Variants in APOLD1 observed in about 807,000 individuals in gnomAD.
The protein encoded by APOLD1 is apolipoprotein L domain-containing protein 1.
A neutral mutation model predicts 15.3 loss-of-function variants in APOLD1; 22 were observed. The ratio of observed to expected loss-of-function variants is 1.44; its 90% CI spans 1.03 to 2.05. APOLD1 has a LOEUF of 2.05. Ranked by LOEUF, APOLD1 falls within the 30% of genes most tolerant of loss-of-function variation. APOLD1 has a pLI of 0.00. For synonymous variants in APOLD1, 190 were observed against 167.4 expected, an observed-to-expected ratio of 1.13 and a Z score of -1.04; for missense variants, 394 against 353.5, an observed-to-expected ratio of 1.11 and a Z score of -0.92.
chr12:12,761,859 A>AGAGAGAGAGAGAGT (rs1281526673), intron 1 of APOLD1, among the ~76,000 whole-genome samples: 1 of 146,382 alleles, frequency 6.8e-6, no homozygotes, highest in Non-Finnish European at 1.5e-5. Flanking sequence ...AGAGAGAGAG[A>AGAGAGAGAGAGAGT]GAGTCTTGCT....
At chr12:12,757,591 C>T (rs189827839) in intron 1 of APOLD1, among the ~76,000 whole-genome samples, 377 of 152,266 alleles carry the variant, frequency 2.5e-3, no homozygotes, top group Middle Eastern at 0.017. Context: ...CAGCCACCCC[C>T]GAAAGCCCCT....
chr12:12,733,594 G>A (rs1215611608), intron 1 of APOLD1, among the ~76,000 whole-genome samples: 1 of 152,014 alleles, frequency 6.6e-6, no homozygotes, highest in Non-Finnish European at 1.5e-5. Context: ...AACCATGAAG[G>A]TATTTCAATT....
intron 1 of APOLD1, chr12:12,726,405 C>A (rs186295181): frequency 5.9e-5 from 26 of 440,448 alleles, no homozygotes; most frequent in Non-Finnish European, 1.1e-4. Flanking sequence ...AGCGTGTGTA[C>A]GTTAAGATTT....
intron 1 of APOLD1, among the ~76,000 whole-genome samples, chr12:12,757,724 T>G (rs1270834002): frequency 6.6e-6 from 1 of 151,924 alleles, no homozygotes; most frequent in Non-Finnish European, 1.5e-5. Flanking sequence ...TACAATTCAC[T>G]TATTTAAGGG....
At chr12:12,733,042 G>T (rs1262377191) in intron 1 of APOLD1, among the ~76,000 whole-genome samples, 2 of 151,948 alleles carry the variant, frequency 1.3e-5, no homozygotes, top group Non-Finnish European at 2.9e-5. Flanking sequence ...GGCTGGGCAG[G>T]GTGGCTCATG....
chr12:12,728,066 C>G lies in APOLD1; in HGVS notation c.96+1970C>G, dbSNP rs533720441. 2.6e-5 allele frequency among the ~76,000 whole-genome samples: 4 copies of G among 152,274 alleles called. No homozygotes were observed. The East Asian group carries it at 5.8e-4, about 22-fold the overall frequency. ...CACTGCAGCCTCAAGCTCCTGGGCTCAGGAGATCCTCTACTTCAGCCTCCC... is the reference window on the plus strand; with the variant it reads ...CACTGCAGCCTCAAGCTCCTGGGCTGAGGAGATCCTCTACTTCAGCCTCCC... On this transcript the variant is annotated intron_variant, in intron 1 of 1. Transcript: ENST00000326765.
rs1334549503 is a variant in APOLD1, at chr12:12,788,286, C to T, written c.*634C>T. ...TTCCTGAGTGGCTCCCAATCCAGTC[C>T]TCCAAGTACTCAGAGGGGAAGCCCG... On this transcript the variant is annotated 3_prime_UTR_variant, in exon 2 of 2. Transcript: ENST00000356591. 6.6e-6 allele frequency: 1 copy of T among 152,238 alleles called. No homozygotes were observed. Among genetic ancestry groups the T allele is most frequent in the African/African-American group, 2.4e-5 (1 of 41,428 alleles). 9.4% of individuals were successfully genotyped at this position (152,238 alleles called of 1,614,324 possible).
intron 1 of APOLD1, among the ~76,000 whole-genome samples, chr12:12,778,264 A>G (rs1038438586): frequency 6.6e-6 from 1 of 150,602 alleles, no homozygotes; most frequent in Non-Finnish European, 1.5e-5. Context: ...GATGGTTTAC[A>G]TTTCTTCTGC....
rs148619328 is a variant in APOLD1, at chr12:12,778,783, A to T, written c.97-8126A>T. 1.3e-4 allele frequency among the ~76,000 whole-genome samples: 20 copies of T among 152,324 alleles called. No homozygotes were observed. The East Asian group carries it at 3.9e-3, about 29-fold the overall frequency. On this transcript the variant is annotated intron_variant, in intron 1 of 1. Coordinates refer to the APOLD1 transcript ENST00000326765. The stretch of plus-strand genomic sequence containing the variant: ...TTATCCACTCCATTGCATCCTACCA[A>T]CATTAGCCAAATCTGAGATAATCTC...
intron 1 of APOLD1, among the ~76,000 whole-genome samples, chr12:12,730,242 G>A (rs1946628105): frequency 6.6e-6 from 1 of 152,004 alleles, no homozygotes; most frequent in African/African-American, 2.4e-5. Flanking sequence ...TTCATCCATG[G>A]TATGTCTAAA....
intron 1 of APOLD1, among the ~76,000 whole-genome samples, chr12:12,776,017 A>C (rs1054390478): frequency 6.6e-6 from 1 of 150,956 alleles, no homozygotes; most frequent in East Asian, 1.9e-4. Flanking sequence ...AAAAAAAAAA[A>C]AAAAAAAAAC....
intron 1 of APOLD1, among the ~76,000 whole-genome samples, chr12:12,753,497 T>A (rs1279205835): frequency 6.6e-6 from 1 of 151,880 alleles, no homozygotes; most frequent in Non-Finnish European, 1.5e-5. Context: ...ACTACGTCAC[T>A]ACAAAAAAAT....
intron 1 of APOLD1, among the ~76,000 whole-genome samples, chr12:12,740,733 C>T (rs926103775): frequency 6.6e-6 from 1 of 152,170 alleles, no homozygotes; most frequent in Non-Finnish European, 1.5e-5. Context: ...AGGAATGTGC[C>T]CAGTATTACC....
At chr12:12,760,462 ACCC>A (rs1266928168) in intron 1 of APOLD1, among the ~76,000 whole-genome samples, 8 of 151,920 alleles carry the variant, frequency 5.3e-5, no homozygotes, top group Admixed American at 5.2e-4. Context: ...ACATGTCAAA[ACCC>A]CGTCTTTACT....
intron 1 of APOLD1, among the ~76,000 whole-genome samples, chr12:12,755,770 G>A (rs1946853182): frequency 2.0e-5 from 3 of 152,236 alleles, no homozygotes; most frequent in Non-Finnish European, 4.4e-5. Context: ...GAGGCCAAGA[G>A]GTGGAGGTTG....
In APOLD1 at chr12:12,729,827, T is replaced by C. The variant is rs1946622241; in HGVS notation, c.96+3731T>C. ...GCAATGGTTTAAATGGTAATTTGTA[T>C]CTTACTTGTATTTAACCACAATAAA... On this transcript the variant is annotated intron_variant, in intron 1 of 1. Transcript: ENST00000326765. Among the ~76,000 whole-genome samples, 2 of 151,884 alleles carry C rather than the reference T, an allele frequency of 1.3e-5. 1 individual carries two copies. The highest frequency in any genetic ancestry group is 4.8e-5 in the African/African-American group (2 of 41,342).
Position 12,742,719 on chromosome 12 carries a change from G to A in APOLD1, c.96+16623G>A, listed in dbSNP as rs373877645. ...GCGGAGGTTCCAGTGAGCTGAGATC[G>A]CGCCACTGCACTCCAGCCTGGGCGA... On this transcript the variant is annotated intron_variant, in intron 1 of 1. Coordinates refer to the APOLD1 transcript ENST00000326765. Among the ~76,000 whole-genome samples the A allele has an allele frequency of 3.7e-3, 561 of 150,066 alleles. 2 individuals are homozygous for A. The highest frequency in any genetic ancestry group is 0.013 in the African/African-American group (519 of 40,822).
intron 1 of APOLD1, among the ~76,000 whole-genome samples, chr12:12,777,889 G>GGTTTTTTTT (rs1947048117): frequency 8.5e-6 from 1 of 117,064 alleles, no homozygotes; most frequent in African/African-American, 3.8e-5. Flanking sequence ...AAGGAAAGGT[G>GGTTTTTTTT]TTTTTTTTTT....
chr12:12,727,026 C>G (rs1398982172), intron 1 of APOLD1, among the ~76,000 whole-genome samples: 1 of 152,222 alleles, frequency 6.6e-6, no homozygotes, highest in African/African-American at 2.4e-5. Flanking sequence ...AGACAAGATT[C>G]AAATATCAAA....
Sources: gnomAD v4.1 joint callset for allele counts (sites outside exome capture counted in the v4.1 genomes callset) on GRCh38, gnomAD v4.1.1 for gene constraint, MANE v1.5 for transcripts, NCBI Gene and HGNC (gene_info 2026-07-23, HGNC 2026-07-21) for gene names.